TTC39B: variants seen among roughly 807,000 people sequenced by gnomAD.
TTC39B encodes tetratricopeptide repeat protein 39B.
In TTC39B, 92 loss-of-function variants were observed where a neutral mutation model predicts 96.6. The ratio of observed to expected loss-of-function variants is 0.95; its 90% CI spans 0.80 to 1.13. The LOEUF (loss-of-function observed/expected upper bound fraction) is 1.13. Among genes scored for constraint, TTC39B ranks in the 50% most tolerant of loss-of-function variants. The probability of loss-of-function intolerance (pLI) is 0.00; values close to 1 mark genes in which losing one functional copy is unlikely to be tolerated. For missense variants in TTC39B, 955 were observed against 809.3 expected, an observed-to-expected ratio of 1.18 and a Z score of -2.18; for synonymous variants, 367 against 299.4, an observed-to-expected ratio of 1.23 and a Z score of -2.33.
At chr9:15,256,075 C>T (rs972176216) in intron 2 of TTC39B, among the ~76,000 whole-genome samples, 2 of 152,170 alleles carry the variant, frequency 1.3e-5, no homozygotes, top group Admixed American at 6.5e-5. Flanking sequence ...AAAGTGATGG[C>T]GTGGGGCCTT....
intron 3 of TTC39B, among the ~76,000 whole-genome samples, chr9:15,220,362 G>A (rs1160137515): frequency 6.6e-6 from 1 of 152,162 alleles, no homozygotes; most frequent in Non-Finnish European, 1.5e-5. Flanking sequence ...TTATCCAAGG[G>A]AGAGGAGGGA....
intron 2 of TTC39B, among the ~76,000 whole-genome samples, chr9:15,260,088 T>C (rs1822891478): frequency 1.3e-5 from 2 of 152,124 alleles, no homozygotes; most frequent in African/African-American, 4.8e-5. Context: ...ATATATGAGA[T>C]ATAAATTAAT....
intron 1 of TTC39B, among the ~76,000 whole-genome samples, chr9:15,281,434 C>T (rs1404273683): frequency 1.3e-5 from 2 of 151,998 alleles, no homozygotes; most frequent in African/African-American, 4.8e-5. Context: ...TACTGGACCA[C>T]TCATACAGTG....
chr9:15,196,571 G>A (rs1405370011), intron 8 of TTC39B, among the ~76,000 whole-genome samples: 3 of 152,236 alleles, frequency 2.0e-5, no homozygotes, highest in Non-Finnish European at 2.9e-5. Flanking sequence ...GCCTGAAGAT[G>A]AGACTGACTG....
At chr9:15,203,309 G>A (rs1300058101) in intron 7 of TTC39B, among the ~76,000 whole-genome samples, 1 of 152,160 alleles carries the variant, frequency 6.6e-6, no homozygotes, top group Non-Finnish European at 1.5e-5. Flanking sequence ...GAAGTGCAGT[G>A]GTAGGACCTC....
In TTC39B at chr9:15,175,211, C is replaced by T; in HGVS notation, c.1842-76G>A. On this transcript the variant is annotated intron_variant, in intron 18 of 19. Transcript: ENST00000512701. ...CATTTTTCTAAATATATATTATTCC[C>T]ATTCTTCAGAAAACATGTGCAGCAC... The T allele has an allele frequency of 6.7e-6, 7 of 1,046,214 alleles. No homozygotes were observed. The South Asian group carries it at 9.8e-5, about 15-fold the overall frequency. 64.8% of individuals were successfully genotyped at this position (1,046,214 alleles called of 1,614,324 possible).
chr9:15,268,550 A>G (rs766103386), intron 1 of TTC39B, among the ~76,000 whole-genome samples: 4 of 152,080 alleles, frequency 2.6e-5, no homozygotes, highest in Non-Finnish European at 5.9e-5. Flanking sequence ...CTCACACACA[A>G]TCTCACAGTC....
chr9:15,255,842 CTG>C (rs1822731210), intron 2 of TTC39B, among the ~76,000 whole-genome samples: 1 of 151,936 alleles, frequency 6.6e-6, no homozygotes, highest in South Asian at 2.1e-4. Flanking sequence ...TTTTTTTTAA[CTG>C]TGTATTCCAA....
chr9:15,227,061 C>G (rs1178467888), intron 2 of TTC39B, among the ~76,000 whole-genome samples: 1 of 152,072 alleles, frequency 6.6e-6, no homozygotes, highest in Non-Finnish European at 1.5e-5. Flanking sequence ...AATCTCAGCA[C>G]TTTGGGAGGC....
intron 2 of TTC39B, among the ~76,000 whole-genome samples, chr9:15,242,488 C>A (rs750176679): frequency 6.6e-6 from 1 of 152,080 alleles, no homozygotes; most frequent in African/African-American, 2.4e-5. Context: ...GCGGCTGAAG[C>A]GGGAGGATCG....
chr9:15,230,853 T>G (rs1388124956), intron 2 of TTC39B, among the ~76,000 whole-genome samples: 1 of 152,058 alleles, frequency 6.6e-6, no homozygotes, highest in Non-Finnish European at 1.5e-5. Context: ...GGCATGGTGG[T>G]GCACACCCGT....
chr9:15,270,621 A>G (rs1041141898), intron 1 of TTC39B, among the ~76,000 whole-genome samples: 1 of 152,018 alleles, frequency 6.6e-6, no homozygotes, highest in African/African-American at 2.4e-5. Flanking sequence ...AAAAGAAAAA[A>G]AAAAAAAAGA....
At chr9:15,300,695 G>A (rs1824552009) in intron 1 of TTC39B, among the ~76,000 whole-genome samples, 1 of 152,080 alleles carries the variant, frequency 6.6e-6, no homozygotes, top group Non-Finnish European at 1.5e-5. Context: ...AAAGCAGCCT[G>A]GCCAACATGG....
At chr9:15,244,435 T>C (rs1822181734) in intron 2 of TTC39B, among the ~76,000 whole-genome samples, 1 of 152,238 alleles carries the variant, frequency 6.6e-6, no homozygotes, top group Non-Finnish European at 1.5e-5. Flanking sequence ...TGTCCCTATC[T>C]GCAAAAGCAA....
At chr9:15,228,679 CT>C (rs906287139) in intron 2 of TTC39B, among the ~76,000 whole-genome samples, 2 of 152,170 alleles carry the variant, frequency 1.3e-5, no homozygotes, top group Non-Finnish European at 2.9e-5. Context: ...AAGTTTCCCC[CT>C]CCCACTCCTT....
At chr9:15,210,295 G>A in intron 5 of TTC39B, 131 bp from the exon 6 acceptor site, 2 of 621,866 alleles carry the variant, frequency 3.2e-6, no homozygotes, top group Non-Finnish European at 2.8e-6. Flanking sequence ...AAACCCTGAA[G>A]TCTATAGGAC....
intron 17 of TTC39B, among the ~76,000 whole-genome samples, chr9:15,180,712 T>C (rs1474442870): frequency 6.6e-6 from 1 of 152,210 alleles, no homozygotes; most frequent in Admixed American, 6.5e-5. Context: ...TTATGGACTT[T>C]TTCTTCCCTG....
intron 8 of TTC39B, among the ~76,000 whole-genome samples, chr9:15,198,973 GTTAA>G (rs1819351057): frequency 6.6e-6 from 1 of 152,136 alleles, no homozygotes; most frequent in African/African-American, 2.4e-5. Flanking sequence ...TGATGAAAAG[GTTAA>G]TTCATTAGGA....
In TTC39B at chr9:15,218,805, C is replaced by T. The variant is rs192544236; in HGVS notation, c.372-4556G>A. Among the ~76,000 whole-genome samples, 598 of 152,174 alleles carry T rather than the reference C, an allele frequency of 3.9e-3. 4 individuals carry two copies. Among genetic ancestry groups the T allele is most frequent in the African/African-American group, 0.014 (575 of 41,516 alleles). The stretch of plus-strand genomic sequence containing the variant: ...TGGAATCAGATCCTTTTATTCATTT[C>T]CTGACTCCCTTTTGCCTCAAGAGAA... On this transcript the variant is annotated intron_variant, in intron 3 of 19. Coordinates refer to ENST00000512701, the Ensembl canonical transcript of TTC39B.
Sources: allele counts gnomAD v4.1 joint callset (sites outside exome capture counted in the v4.1 genomes callset), GRCh38; gene constraint gnomAD v4.1.1; transcripts MANE v1.5; gene names NCBI Gene and HGNC (gene_info 2026-07-23, HGNC 2026-07-21).